Variants in ATP9B observed in about 807,000 individuals in gnomAD.
ATP9B encodes the protein ATPase phospholipid transporting 9B, also known as probable phospholipid-transporting ATPase IIB.
In ATP9B, 110 loss-of-function variants were observed where a neutral mutation model predicts 146.1. The observed-to-expected ratio is 0.75, with a 90% CI of 0.65 to 0.88. The LOEUF (loss-of-function observed/expected upper bound fraction) is 0.88, where lower values mean the gene tolerates loss of function less well. ATP9B is among the 40% of genes least tolerant of loss of function. ATP9B has a pLI of 0.00. For missense variants in ATP9B, 1,499 were observed against 1,496.4 expected (o/e 1.00, Z -0.03); for synonymous variants, 604 against 569.7 (o/e 1.06, Z -0.86).
intron 7 of ATP9B, among the ~76,000 whole-genome samples, chr18:79,164,014 G>A (rs1036276964): frequency 2.0e-5 from 3 of 151,912 alleles, no homozygotes; most frequent in African/African-American, 7.3e-5. Context: ...GAACTCCTGG[G>A]CTCAAGTGAT....
At chr18:79,323,452 A>G (rs1027460645) in intron 15 of ATP9B, among the ~76,000 whole-genome samples, 2 of 152,068 alleles carry the variant, frequency 1.3e-5, no homozygotes, top group Non-Finnish European at 2.9e-5. Context: ...AATATCCTCA[A>G]TGTCCCCGAT....
chr18:79,107,956 G>A (rs1174335334), intron 2 of ATP9B, among the ~76,000 whole-genome samples: 3 of 152,126 alleles, frequency 2.0e-5, no homozygotes, highest in Non-Finnish European at 2.9e-5. Context: ...GTGGGAGTTC[G>A]GCATCAGTAT....
At chr18:79,252,841 C>T (rs1185255244) in intron 11 of ATP9B, among the ~76,000 whole-genome samples, 3 of 147,244 alleles carry the variant, frequency 2.0e-5, no homozygotes, top group Non-Finnish European at 4.4e-5. Flanking sequence ...TTCAGAGAGA[C>T]TGCTGGTAGA....
chr18:79,129,905 G>A (rs1599766150), intron 5 of ATP9B, among the ~76,000 whole-genome samples: 1 of 152,042 alleles, frequency 6.6e-6, no homozygotes, highest in Non-Finnish European at 1.5e-5. Context: ...CACCATGCCC[G>A]GCTATTTTTT....
At chr18:79,251,366 G>A (rs951333622) in intron 11 of ATP9B, among the ~76,000 whole-genome samples, 7 of 152,142 alleles carry the variant, frequency 4.6e-5, no homozygotes, top group South Asian at 2.1e-4. Context: ...GCTGACTGTC[G>A]GCCACAGGAA....
At chr18:79,365,944 T>C (rs1262584688) in intron 26 of ATP9B, among the ~76,000 whole-genome samples, 1 of 152,244 alleles carries the variant, frequency 6.6e-6, no homozygotes, top group Non-Finnish European at 1.5e-5. Flanking sequence ...CTGTGTGTGA[T>C]GGAAGGACAT....
chr18:79,102,009 G>A lies in ATP9B; in HGVS notation c.293+5360G>A, dbSNP rs151249843. Reference sequence around the variant, plus strand: ...CACCCAGGCTGGAGTGCAGTGGCTCGATCTTGGCTCACTGCAACTTCCGCC... The same window carrying A: ...CACCCAGGCTGGAGTGCAGTGGCTCAATCTTGGCTCACTGCAACTTCCGCC... On this transcript the variant is annotated intron_variant, in intron 2 of 29. Coordinates refer to ENST00000426216, the MANE Select transcript of ATP9B (RefSeq NM_198531.5). Among the ~76,000 whole-genome samples the A allele has an allele frequency of 4.9e-3, 748 of 152,000 alleles. 5 individuals are homozygous for A. The highest frequency in any genetic ancestry group is 0.025 in the South Asian group (119 of 4,808).
chr18:79,185,047 A>G (rs1386784469), intron 8 of ATP9B, among the ~76,000 whole-genome samples: 1 of 152,118 alleles, frequency 6.6e-6, no homozygotes, highest in Non-Finnish European at 1.5e-5. Context: ...TTAACATACA[A>G]TTCTGTACAA....
chr18:79,125,065 G>A (rs1406939915), intron 4 of ATP9B, among the ~76,000 whole-genome samples: 1 of 152,184 alleles, frequency 6.6e-6, no homozygotes, highest in Non-Finnish European at 1.5e-5. Context: ...TTCGTGAGAT[G>A]GTCTGCCTTA....
chr18:79,345,020 C>T (rs2147471002), intron 21 of ATP9B, among the ~76,000 whole-genome samples: 1 of 152,276 alleles, frequency 6.6e-6, no homozygotes, highest in East Asian at 1.9e-4. Flanking sequence ...TTGCTAGTGT[C>T]CTCAGAGCAA....
intron 3 of ATP9B, among the ~76,000 whole-genome samples, chr18:79,110,862 A>G (rs1291428757): frequency 6.6e-6 from 1 of 152,234 alleles, no homozygotes; most frequent in Non-Finnish European, 1.5e-5. Flanking sequence ...ACTAGTTTGG[A>G]GAAAACAGTA....
intron 13 of ATP9B, among the ~76,000 whole-genome samples, chr18:79,279,749 G>T (rs534132661): frequency 6.6e-6 from 1 of 152,160 alleles, no homozygotes; most frequent in African/African-American, 2.4e-5. Flanking sequence ...ATACATAGGC[G>T]TACTGTCTTC....
At chr18:79,350,539 G>A (rs528483791) in intron 25 of ATP9B, among the ~76,000 whole-genome samples, 24 of 152,270 alleles carry the variant, frequency 1.6e-4, no homozygotes, top group Admixed American at 5.2e-4. Flanking sequence ...CTTATTTCAT[G>A]ACTCTACGTG....
intron 12 of ATP9B, among the ~76,000 whole-genome samples, chr18:79,262,848 A>G (rs554975730): frequency 6.6e-6 from 1 of 152,248 alleles, no homozygotes; most frequent in East Asian, 1.9e-4. Flanking sequence ...TTCTGTATAA[A>G]TCTCTTATTA....
Position 79,330,044 on chromosome 18 carries a change from G to C in ATP9B, c.1968G>C (p.Met656Ile). 6.2e-7 allele frequency: 1 copy of C among 1,614,158 alleles called. No individual in the cohort carries two copies. Among genetic ancestry groups the C allele is most frequent in the Non-Finnish European group, 8.5e-7 (1 of 1,179,998 alleles). ...CCACGGCAGAAATCACATTCTACATGAAGGGCGCTGACGTGGCCATGTCTC... is the reference window on the plus strand; with the variant it reads ...CCACGGCAGAAATCACATTCTACATCAAGGGCGCTGACGTGGCCATGTCTC... The part of the protein sequence containing the change: ...DESTAEITFY[M>I]KGADVAMSPI... The change falls in exon 17 of 30, where the codon ATG becomes ATC. Residue 656 changes from methionine to isoleucine, a missense_variant. By Grantham distance (10) the Met-to-Ile change is conservative. Coordinates refer to ENST00000426216, the MANE Select transcript of ATP9B (RefSeq NM_198531.5).
chr18:79,075,504 C>T (rs2072494960), intron 1 of ATP9B, among the ~76,000 whole-genome samples: 1 of 152,172 alleles, frequency 6.6e-6, no homozygotes, highest in African/African-American at 2.4e-5. Context: ...GGTGCATACA[C>T]ATTTGAGATT....
At chr18:79,229,579 G>A (rs1001699324) in intron 11 of ATP9B, among the ~76,000 whole-genome samples, 2 of 152,166 alleles carry the variant, frequency 1.3e-5, no homozygotes, top group African/African-American at 2.4e-5. Context: ...CGTCTCCCCC[G>A]TCCTTTGGAG....
At chr18:79,313,933 A>C (rs2096665860) in intron 15 of ATP9B, among the ~76,000 whole-genome samples, 1 of 152,230 alleles carries the variant, frequency 6.6e-6, no homozygotes, top group African/African-American at 2.4e-5. Flanking sequence ...AATGTTTGCA[A>C]GTCCCTAAAG....
At chr18:79,119,179 A>G (rs8086004) in intron 4 of ATP9B, among the ~76,000 whole-genome samples, 85,650 of 151,788 alleles carry the variant, frequency 0.56, 25,910 homozygotes, top group African/African-American at 0.8. Context: ...ATGTATTTAT[A>G]TATATTTTGC....
Sources: gnomAD v4.1 joint callset for allele counts (sites outside exome capture counted in the v4.1 genomes callset) on GRCh38, gnomAD v4.1.1 for gene constraint, MANE v1.5 for transcripts, NCBI Gene and HGNC (gene_info 2026-07-23, HGNC 2026-07-21) for gene names.